Variants in RFTN1 observed in about 807,000 individuals in gnomAD.
RFTN1 encodes the protein raftlin.
Under a neutral mutation model 46.5 loss-of-function variants are expected in RFTN1, and 26 were observed. That is an observed-to-expected ratio of 0.56 (90% CI 0.41 to 0.78). RFTN1 has a LOEUF of 0.78. Among genes scored for constraint, RFTN1 ranks in the 30% least tolerant of loss-of-function variants. The probability of loss-of-function intolerance (pLI) is 0.00; values close to 1 mark genes in which losing one functional copy is unlikely to be tolerated. For synonymous variants in RFTN1, 261 were observed against 284.2 expected (o/e 0.92, Z 0.82); for missense variants, 693 against 718.7 (o/e 0.96, Z 0.41).
At position 16,413,660 on chromosome 3, in the gene RFTN1, G is replaced by C. The variant is rs373780074; in HGVS notation, c.333-4177C>G. 1.2e-4 allele frequency among the ~76,000 whole-genome samples: 18 copies of C among 152,308 alleles called. No homozygotes were observed. The East Asian group carries it at 2.9e-3, about 24-fold the overall frequency. ...GAGACGTACACAGGGTTAACTAACA[G>C]CAAAAGCCCCCCCAACCTACTTTAT... is the stretch of plus-strand genomic sequence containing the variant. On this transcript the variant is annotated intron_variant, in intron 3 of 9. Transcript: ENST00000334133. The surrounding 1 kb of genome is among the most constrained non-coding windows in gnomAD (Gnocchi z 4.7).
chr3:16,366,676 A>T (rs114049006), intron 6 of RFTN1, among the ~76,000 whole-genome samples: 247 of 108,682 alleles, frequency 2.3e-3, no homozygotes, highest in South Asian at 0.011. Flanking sequence ...TGACAATGAC[A>T]TAATGTCTCT....
chr3:16,334,424 G>A lies in RFTN1; in HGVS notation c.1147-7548C>T, dbSNP rs990009923. ...TCTCACTTCTGGGAATTTAACCTAC[G>A]TATTAAAAAATGAGAAATGCACAGA... On this transcript the variant is annotated intron_variant, in intron 7 of 9. Transcript: ENST00000334133. The surrounding 1 kb of genome is among the most constrained non-coding windows in gnomAD (Gnocchi z 4.3). Among the ~76,000 whole-genome samples the A allele has an allele frequency of 2.1e-4, 32 of 152,114 alleles. No individual in the cohort carries two copies. Among genetic ancestry groups the A allele is most frequent in the Non-Finnish European group, 2.9e-4 (20 of 68,032 alleles).
chr3:16,352,333 A>G lies in RFTN1; in HGVS notation c.1146+5599T>C, dbSNP rs1158107197. Among the ~76,000 whole-genome samples the G allele has an allele frequency of 6.6e-6, 1 of 152,244 alleles. No homozygotes were observed. ...TAAGCTCTGATGGGCTGTCAGGCTC[A>G]AAGATAAACAGATTCAGAGGGAAGA... On this transcript the variant is annotated intron_variant, in intron 7 of 9. Transcript: ENST00000334133. This position sits in a 1 kb window ranked among gnomAD's most constrained non-coding sequence, Gnocchi z 4.6.
At chr3:16,455,007 C>G (rs978418614) in intron 2 of RFTN1, among the ~76,000 whole-genome samples, 10 of 152,192 alleles carry the variant, frequency 6.6e-5, no homozygotes, top group African/African-American at 2.4e-4. Flanking sequence ...CATGCTGTCT[C>G]CCATGAAGAT....
At position 16,509,878 on chromosome 3, in the gene RFTN1, T is replaced by C. The variant is rs1318536480; in HGVS notation, c.-9+3564A>G. 6.6e-6 allele frequency among the ~76,000 whole-genome samples: 1 copy of C among 152,198 alleles called. No individual in the cohort carries two copies. Among genetic ancestry groups the C allele is most frequent in the Non-Finnish European group, 1.5e-5 (1 of 68,046 alleles). ...AACAGTCCCCAAACACAGTGCAATGTCTCAAGACTGAGCTGTCTGCCATCT... is the reference window on the plus strand; with the variant it reads ...AACAGTCCCCAAACACAGTGCAATGCCTCAAGACTGAGCTGTCTGCCATCT... On this transcript the variant is annotated intron_variant, in intron 1 of 9. Coordinates refer to ENST00000334133, the MANE Select transcript of RFTN1 (RefSeq NM_015150.2). This position sits in a 1 kb window ranked among gnomAD's most constrained non-coding sequence, Gnocchi z 4.9.
rs193055244 is a variant in RFTN1, at chr3:16,452,492, C to T, written c.146-18455G>A. Among the ~76,000 whole-genome samples, 14 of 152,320 alleles carry T rather than the reference C, an allele frequency of 9.2e-5. No homozygotes were observed. Among genetic ancestry groups the T allele is most frequent in the African/African-American group, 3.4e-4 (14 of 41,570 alleles). On this transcript the variant is annotated intron_variant, in intron 2 of 9. Transcript: ENST00000334133. The surrounding 1 kb of genome is among the most constrained non-coding windows in gnomAD (Gnocchi z 6.3). ...TAGTCAGCAGAAACACTGTCAAAGA[C>T]CACAGCTCTGCACCTAATGATGGGC...
At chr3:16,393,807 C>T (rs1461821948) in intron 4 of RFTN1, among the ~76,000 whole-genome samples, 12 of 151,824 alleles carry the variant, frequency 7.9e-5, no homozygotes, top group Admixed American at 2.0e-4. Context: ...TACAGGTGCC[C>T]GCCACCATAC....
rs2074201562 is a variant in RFTN1 at position 16,387,011 on chromosome 3, A to C, written c.442-8909T>G. 6.6e-6 allele frequency among the ~76,000 whole-genome samples: 1 copy of C among 152,230 alleles called. No individual in the cohort carries two copies. Among genetic ancestry groups the C allele is most frequent in the Non-Finnish European group, 1.5e-5 (1 of 68,040 alleles). On this transcript the variant is annotated intron_variant, in intron 4 of 9. Transcript: ENST00000334133. The surrounding 1 kb of genome is among the most constrained non-coding windows in gnomAD (Gnocchi z 5.2). ...AGGCATGAACTGGGATTGTCTGAAC[A>C]AGCTGGGACATATGGTCACCTGGTT...
intron 4 of RFTN1, among the ~76,000 whole-genome samples, chr3:16,399,245 G>A (rs6803446): frequency 0.03 from 4,584 of 151,378 alleles, 232 homozygotes; most frequent in African/African-American, 0.1. Context: ...AAACCCATGA[G>A]AAAAAAAAGA....
chr3:16,513,504 C>T lies in RFTN1; in HGVS notation c.-71G>A, dbSNP rs1219286841. 4 of 152,170 alleles carry T rather than the reference C, an allele frequency of 2.6e-5. No individual in the cohort carries two copies. Among genetic ancestry groups the T allele is most frequent in the Non-Finnish European group, 4.4e-5 (3 of 68,078 alleles). 9.4% of individuals were successfully genotyped at this position (152,170 alleles called of 1,614,324 possible). ...CTCCCTGAGGCAGCGTGTTCCGTCC[C>T]GGGAGGAAAGTTTGTGCCATACAGA... On this transcript the variant is annotated 5_prime_UTR_variant, in exon 1 of 10. Transcript: ENST00000334133. The surrounding 1 kb of genome is among the most constrained non-coding windows in gnomAD (Gnocchi z 5.4).
At chr3:16,434,259 C>T (rs1424733244) in intron 2 of RFTN1, among the ~76,000 whole-genome samples, 1 of 152,174 alleles carries the variant, frequency 6.6e-6, no homozygotes, top group African/African-American at 2.4e-5. Context: ...CGTGATGGCT[C>T]AGGCCTATAA....
Position 16,356,783 on chromosome 3 carries a change from G to C in RFTN1, c.1146+1149C>G, listed in dbSNP as rs182514311. 1.7e-3 allele frequency among the ~76,000 whole-genome samples: 260 copies of C among 152,328 alleles called. No homozygotes were observed. Among genetic ancestry groups the C allele is most frequent in the African/African-American group, 6.1e-3 (253 of 41,570 alleles). On this transcript the variant is annotated intron_variant, in intron 7 of 9. Transcript: ENST00000334133. The surrounding 1 kb of genome is among the most constrained non-coding windows in gnomAD (Gnocchi z 4.9). The stretch of plus-strand genomic sequence containing the variant: ...CTTTGGCAGAGGCCCTCCCAGCAAT[G>C]CCAATCCTGTGTTCTTCCAAAGCAT...
In RFTN1 at chr3:16,356,891, G is replaced by T. The variant is rs903359174; in HGVS notation, c.1146+1041C>A. 6.6e-6 allele frequency among the ~76,000 whole-genome samples: 1 copy of T among 152,186 alleles called. No individual in the cohort carries two copies. The highest frequency in any genetic ancestry group is 1.9e-4 in the East Asian group (1 of 5,198). On this transcript the variant is annotated intron_variant, in intron 7 of 9. Coordinates refer to ENST00000334133, the MANE Select transcript of RFTN1 (RefSeq NM_015150.2). The surrounding 1 kb of genome is among the most constrained non-coding windows in gnomAD (Gnocchi z 4.9). ...GCACTTCAACAGGCCAAGGCAGGCA[G>T]ATCACTTGAGGTCAGGAGTTTGAGA...
At position 16,380,023 on chromosome 3, in the gene RFTN1, G is replaced by A. The variant is rs1232862977; in HGVS notation, c.442-1921C>T. Reference sequence around the variant, plus strand: ...TAGCTTCTGCTATTACTCTCTTACTGCAGAGGAAACAGCTATGACTTCTGA... The same window carrying A: ...TAGCTTCTGCTATTACTCTCTTACTACAGAGGAAACAGCTATGACTTCTGA... On this transcript the variant is annotated intron_variant, in intron 4 of 9. Transcript: ENST00000334133. The surrounding 1 kb of genome is among the most constrained non-coding windows in gnomAD (Gnocchi z 4.8). 3.9e-5 allele frequency among the ~76,000 whole-genome samples: 6 copies of A among 152,308 alleles called. No individual in the cohort carries two copies. The highest frequency in any genetic ancestry group is 1.4e-4 in the African/African-American group (6 of 41,566).
Position 16,442,114 on chromosome 3 carries a change from T to G in RFTN1, c.146-8077A>C, listed in dbSNP as rs1412113672. On this transcript the variant is annotated intron_variant, in intron 2 of 9. Transcript: ENST00000334133. The surrounding 1 kb of genome is among the most constrained non-coding windows in gnomAD (Gnocchi z 4.1). ...GTCATCTTCTCATTAAACAAACTCA[T>G]GTATCTGAAACTTAAAAAACAAAAC... Among the ~76,000 whole-genome samples the G allele has an allele frequency of 2.0e-5, 3 of 152,160 alleles. No individual in the cohort carries two copies. Among genetic ancestry groups the G allele is most frequent in the Non-Finnish European group, 2.9e-5 (2 of 68,032 alleles).
Position 16,410,327 on chromosome 3 carries a change from C to A in RFTN1, c.333-844G>T, listed in dbSNP as rs1044378593. Reference sequence around the variant, plus strand: ...CGCCAGGGCACAGAAAAAGAACAAGCAAGACATACACCAAACCAATAATAG... The same window carrying A: ...CGCCAGGGCACAGAAAAAGAACAAGAAAGACATACACCAAACCAATAATAG... On this transcript the variant is annotated intron_variant, in intron 3 of 9. Transcript: ENST00000334133. This position sits in a 1 kb window ranked among gnomAD's most constrained non-coding sequence, Gnocchi z 4.6. 6.6e-6 allele frequency among the ~76,000 whole-genome samples: 1 copy of A among 150,780 alleles called. No individual in the cohort carries two copies. Among genetic ancestry groups the A allele is most frequent in the African/African-American group, 2.5e-5 (1 of 40,788 alleles).
In RFTN1 at chr3:16,327,462, T is replaced by TA. The variant is rs1263064188; in HGVS notation, c.1147-587dup. ...GGGGAACTAACATTTGTCTTTCAGT[T>TA]AAAAAACTCAGCCCCGGCCGGGTGC... On this transcript the variant is annotated intron_variant, in intron 7 of 9. Coordinates refer to ENST00000334133, the MANE Select transcript of RFTN1 (RefSeq NM_015150.2). The surrounding 1 kb of genome is among the most constrained non-coding windows in gnomAD (Gnocchi z 4.2). Among the ~76,000 whole-genome samples the TA allele has an allele frequency of 3.3e-5, 5 of 152,084 alleles. No homozygotes were observed. Among genetic ancestry groups the TA allele is most frequent in the African/African-American group, 1.2e-4 (5 of 41,412 alleles).
chr3:16,435,773 T>C (rs1029797165), intron 2 of RFTN1, among the ~76,000 whole-genome samples: 4 of 152,088 alleles, frequency 2.6e-5, no homozygotes, highest in Non-Finnish European at 5.9e-5. Flanking sequence ...ATAGTACATA[T>C]ACAAAATAAA....
In RFTN1 at chr3:16,344,425, G is replaced by A. The variant is rs552891260; in HGVS notation, c.1146+13507C>T. ...AAAAACAGATACATTCAGAAAAGGC[G>A]GCTCTGGTTGACACTGGCATGGGTG... On this transcript the variant is annotated intron_variant, in intron 7 of 9. Coordinates refer to ENST00000334133, the MANE Select transcript of RFTN1 (RefSeq NM_015150.2). This position sits in a 1 kb window ranked among gnomAD's most constrained non-coding sequence, Gnocchi z 4.4. Among the ~76,000 whole-genome samples, 29 of 152,036 alleles carry A rather than the reference G, an allele frequency of 1.9e-4. No homozygotes were observed. The highest frequency in any genetic ancestry group is 4.8e-4 in the African/African-American group (20 of 41,430).
Sources: allele counts gnomAD v4.1 joint callset (sites outside exome capture counted in the v4.1 genomes callset), GRCh38; gene constraint gnomAD v4.1.1; non-coding constraint Gnocchi (gnomAD v3.1); transcripts MANE v1.5; gene names NCBI Gene and HGNC (gene_info 2026-07-23, HGNC 2026-07-21).